Variants in GRID1 observed in about 807,000 individuals in gnomAD.
The protein encoded by GRID1 is glutamate receptor ionotropic, delta-1.
GRID1 carries 28 observed loss-of-function variants against 98.0 expected under a neutral mutation model. The observed-to-expected ratio is 0.29, with a 90% CI of 0.21 to 0.39. The LOEUF is 0.39. GRID1 is among the 10% of genes least tolerant of loss of function. GRID1 has a pLI of 1.00. For missense variants in GRID1, 1,111 were observed against 1,340.5 expected (o/e 0.83, Z 2.67); for synonymous variants, 553 against 538.5 (o/e 1.03, Z -0.37).
At chr10:85,813,893 T>G (rs1842694685) in intron 8 of GRID1, among the ~76,000 whole-genome samples, 1 of 151,746 alleles carries the variant, frequency 6.6e-6, no homozygotes, top group Admixed American at 6.5e-5. Context: ...TGCTAGAAAT[T>G]TTCTAAAGTT....
intron 12 of GRID1, among the ~76,000 whole-genome samples, chr10:85,708,543 G>C (rs189184674): frequency 6.6e-6 from 1 of 152,206 alleles, no homozygotes; most frequent in African/African-American, 2.4e-5. Flanking sequence ...TAATCAAAAA[G>C]TGTCACACCA....
At chr10:85,764,591 A>G (rs1483246706) in intron 8 of GRID1, among the ~76,000 whole-genome samples, 1 of 152,214 alleles carries the variant, frequency 6.6e-6, no homozygotes, top group East Asian at 1.9e-4. Context: ...GGTTAGACAC[A>G]GGCACATGTT....
At chr10:85,967,031 A>G (rs1206269578) in intron 4 of GRID1, among the ~76,000 whole-genome samples, 1 of 152,176 alleles carries the variant, frequency 6.6e-6, no homozygotes, top group East Asian at 1.9e-4. Context: ...ATGGTAGTGA[A>G]TAAGTCTCAC....
chr10:85,651,596 C>T (rs1408140704), intron 12 of GRID1, among the ~76,000 whole-genome samples: 1 of 152,198 alleles, frequency 6.6e-6, no homozygotes, highest in Non-Finnish European at 1.5e-5. Flanking sequence ...AGCATAGAGA[C>T]ACCAAAACTC....
intron 8 of GRID1, among the ~76,000 whole-genome samples, chr10:85,763,080 G>C (rs186809639): frequency 6.6e-6 from 1 of 152,180 alleles, no homozygotes; most frequent in Non-Finnish European, 1.5e-5. Flanking sequence ...CAAGAGTGAC[G>C]TCCTTCTCCA....
intron 4 of GRID1, among the ~76,000 whole-genome samples, chr10:86,015,794 G>A (rs2001854): frequency 0.019 from 2,913 of 152,264 alleles, 43 homozygotes; most frequent in African/African-American, 0.04. Context: ...GGACTTCATC[G>A]TTGCAATCTG....
At chr10:86,050,508 AC>A (rs1372875784) in intron 4 of GRID1, among the ~76,000 whole-genome samples, 16 of 152,242 alleles carry the variant, frequency 1.1e-4, no homozygotes, top group African/African-American at 3.4e-4. Flanking sequence ...AGAGTGCAGT[AC>A]AAAATCAATA....
chr10:85,943,393 G>A (rs1842018789), intron 4 of GRID1, among the ~76,000 whole-genome samples: 1 of 151,948 alleles, frequency 6.6e-6, no homozygotes, highest in African/African-American at 2.4e-5. Flanking sequence ...ATCTATACTG[G>A]GAGGGAAAAA....
chr10:85,787,823 C>T (rs186548750), intron 8 of GRID1, among the ~76,000 whole-genome samples: 1 of 152,216 alleles, frequency 6.6e-6, no homozygotes, highest in Non-Finnish European at 1.5e-5. Flanking sequence ...CAGCCAGGGG[C>T]CCCCACACCA....
chr10:86,255,872 C>G (rs913631282), intron 2 of GRID1, among the ~76,000 whole-genome samples: 1 of 152,170 alleles, frequency 6.6e-6, no homozygotes, highest in Non-Finnish European at 1.5e-5. Flanking sequence ...TCTCACCTCC[C>G]ATGTCCAACA....
At chr10:86,190,121 A>G (rs1229925723) in intron 3 of GRID1, among the ~76,000 whole-genome samples, 1 of 152,054 alleles carries the variant, frequency 6.6e-6, no homozygotes, top group Non-Finnish European at 1.5e-5. Context: ...TACCTTGAAT[A>G]TCCTCTGTGT....
chr10:85,894,048 G>A (rs1406835066), intron 5 of GRID1, among the ~76,000 whole-genome samples: 1 of 152,164 alleles, frequency 6.6e-6, no homozygotes, highest in Non-Finnish European at 1.5e-5. Flanking sequence ...TTCTCCTCTT[G>A]ATTTCAAAGT....
chr10:85,899,271 T>C (rs1225647380), intron 5 of GRID1, among the ~76,000 whole-genome samples: 2 of 152,240 alleles, frequency 1.3e-5, no homozygotes, highest in African/African-American at 4.8e-5. Flanking sequence ...CTGAATAGAA[T>C]TCCTTTGTGT....
chr10:85,752,498 G>A (rs1003085583), intron 8 of GRID1, among the ~76,000 whole-genome samples: 1 of 152,124 alleles, frequency 6.6e-6, no homozygotes, highest in Non-Finnish European at 1.5e-5. Context: ...TTGACAAGTG[G>A]AGATACAGAT....
At chr10:85,750,863 A>G (rs1029130265) in intron 8 of GRID1, among the ~76,000 whole-genome samples, 1 of 152,234 alleles carries the variant, frequency 6.6e-6, no homozygotes, top group Non-Finnish European at 1.5e-5. Flanking sequence ...ATCCAATTAT[A>G]TGAGAATTGT....
At chr10:86,063,397 C>T (rs1190067326) in intron 4 of GRID1, among the ~76,000 whole-genome samples, 1 of 152,182 alleles carries the variant, frequency 6.6e-6, no homozygotes, top group African/African-American at 2.4e-5. Flanking sequence ...AGAACGGGAA[C>T]CTGAGAGGGC....
At chr10:86,080,578 A>T (rs971960598) in intron 4 of GRID1, among the ~76,000 whole-genome samples, 1 of 152,038 alleles carries the variant, frequency 6.6e-6, no homozygotes, top group African/African-American at 2.4e-5. Flanking sequence ...GTTTTTCACC[A>T]CTAGGTTTGG....
chr10:86,267,451 G>A lies in GRID1; in HGVS notation c.236-60803C>T, dbSNP rs151235791. On this transcript the variant is annotated intron_variant, in intron 2 of 15. Transcript: ENST00000327946. ...AACTGCAGCTCCAGGAAGTACAGGC[G>A]GCAGCCCCTACATCTCCCTGGCAAC... Among the ~76,000 whole-genome samples, 1,190 of 152,284 alleles carry A rather than the reference G, an allele frequency of 7.8e-3. 14 individuals are homozygous for A. Among genetic ancestry groups the A allele is most frequent in the African/African-American group, 0.027 (1,112 of 41,564 alleles).
chr10:85,625,768 G>T (rs1456253318), intron 13 of GRID1, among the ~76,000 whole-genome samples: 1 of 152,204 alleles, frequency 6.6e-6, no homozygotes, highest in Non-Finnish European at 1.5e-5. Flanking sequence ...GCCTCTATTT[G>T]CTGGAGGAAG....
Sources: gnomAD v4.1 joint callset for allele counts (sites outside exome capture counted in the v4.1 genomes callset) on GRCh38, gnomAD v4.1.1 for gene constraint, MANE v1.5 for transcripts, NCBI Gene and HGNC (gene_info 2026-07-23, HGNC 2026-07-21) for gene names.